EPB41: variants seen among roughly 807,000 people sequenced by gnomAD.
EPB41 encodes protein 4.1.
EPB41 carries 65 observed loss-of-function variants against 108.0 expected under a neutral mutation model. That is an observed-to-expected ratio of 0.60 (90% CI 0.49 to 0.74). The LOEUF (loss-of-function observed/expected upper bound fraction) is 0.74. EPB41 is among the 30% of genes least tolerant of loss of function. The pLI, the probability that EPB41 is intolerant of heterozygous loss-of-function variation, is 0.00. For synonymous variants in EPB41, 336 were observed against 358.9 expected (o/e 0.94, Z 0.72); for missense variants, 875 against 1,037.0 (o/e 0.84, Z 2.15).
chr1:29,083,344 T>C lies in EPB41; in HGVS notation c.2185-14463T>C, dbSNP rs114134875. On this transcript the variant is annotated intron_variant, in intron 16 of 20. Transcript: ENST00000343067. Reference sequence around the variant, plus strand: ...GTTAGTTTATCCCCATCTTGAGTGCTTGTGATTCTAATGTCCTTTTTCAAA... The same window carrying C: ...GTTAGTTTATCCCCATCTTGAGTGCCTGTGATTCTAATGTCCTTTTTCAAA... 3.6e-3 allele frequency among the ~76,000 whole-genome samples: 542 copies of C among 152,334 alleles called. 1 individual carries two copies. The highest frequency in any genetic ancestry group is 6.2e-3 in the Non-Finnish European group (421 of 68,024).
At chr1:29,048,544 T>TA (rs1406313645) in intron 11 of EPB41, among the ~76,000 whole-genome samples, 5 of 152,238 alleles carry the variant, frequency 3.3e-5, no homozygotes, top group Middle Eastern at 3.4e-3. Flanking sequence ...TGAGCTTTTT[T>TA]AAAAAAAATT....
intron 20 of EPB41, among the ~76,000 whole-genome samples, chr1:29,116,280 G>T (rs1558353892): frequency 1.3e-5 from 2 of 151,596 alleles, no homozygotes; most frequent in African/African-American, 4.8e-5. Flanking sequence ...TCCCAAGAAG[G>T]TGGGACTACA....
intron 2 of EPB41, 97 bp downstream of exon 2, chr1:28,988,002 C>A: frequency 7.7e-7 from 1 of 1,294,922 alleles, no homozygotes; most frequent in Non-Finnish European, 1.1e-6. Flanking sequence ...GTGGCTCATG[C>A]CTGTAATTCC....
chr1:28,917,317 G>C (rs368181477), intron 1 of EPB41, among the ~76,000 whole-genome samples: 24 of 151,910 alleles, frequency 1.6e-4, no homozygotes, highest in Admixed American at 1.1e-3. Flanking sequence ...GTCTTACTCT[G>C]TCACACAGGC....
intron 4 of EPB41, 61 bp downstream of exon 4, chr1:28,997,380 T>C (rs2096204337): frequency 9.8e-7 from 1 of 1,023,458 alleles, no homozygotes; most frequent in Admixed American, 1.7e-5. Context: ...TCTTTTGTTG[T>C]TAAGAATGTA....
intron 16 of EPB41, among the ~76,000 whole-genome samples, chr1:29,086,775 G>C (rs921218858): frequency 1.3e-5 from 2 of 151,962 alleles, no homozygotes; most frequent in Non-Finnish European, 2.9e-5. Context: ...GGTAAAATTG[G>C]TCTTCACTAA....
At chr1:29,062,201 G>C (rs1558197830) in intron 15 of EPB41, among the ~76,000 whole-genome samples, 1 of 152,200 alleles carries the variant, frequency 6.6e-6, no homozygotes, top group Non-Finnish European at 1.5e-5. Context: ...AGACTAGGAA[G>C]AATAGTGAAG....
At chr1:29,107,649 G>A (rs1023455984) in intron 17 of EPB41, among the ~76,000 whole-genome samples, 3 of 151,812 alleles carry the variant, frequency 2.0e-5, no homozygotes, top group Admixed American at 6.6e-5. Context: ...TCAGGAGTTC[G>A]AGACCAGCCT....
In EPB41 at chr1:28,902,663, G is replaced by A. The variant is rs371376800; in HGVS notation, c.-8+15453G>A. Among the ~76,000 whole-genome samples the A allele has an allele frequency of 3.9e-5, 6 of 152,256 alleles. 1 individual carries two copies. The South Asian group carries it at 1.2e-3, about 32-fold the overall frequency. On this transcript the variant is annotated intron_variant, in intron 1 of 16. Transcript: ENST00000347529. ...GTCTCTATGCCTGGCCTGGTACAGG[G>A]GGGTTCGTCACACCTTCAGGGGAGC...
At chr1:29,078,466 A>G (rs574173651) in intron 16 of EPB41, among the ~76,000 whole-genome samples, 7 of 152,278 alleles carry the variant, frequency 4.6e-5, no homozygotes, top group African/African-American at 1.4e-4. Context: ...ACTGTAATCA[A>G]AAATACATAC....
chr1:28,915,100 T>C (rs909814694), intron 1 of EPB41, among the ~76,000 whole-genome samples: 2 of 151,986 alleles, frequency 1.3e-5, no homozygotes, highest in African/African-American at 4.8e-5. Flanking sequence ...TGCAGGAGCC[T>C]CGGGAGGAAA....
chr1:29,004,585 A>G (rs2096365306), intron 4 of EPB41, among the ~76,000 whole-genome samples: 1 of 152,206 alleles, frequency 6.6e-6, no homozygotes, highest in African/African-American at 2.4e-5. Context: ...GGCAAATTAG[A>G]AAGACGAAGG....
chr1:29,030,682 G>A (rs1217245049), intron 8 of EPB41, among the ~76,000 whole-genome samples, 195 bp downstream of exon 8: 1 of 151,890 alleles, frequency 6.6e-6, no homozygotes, highest in Admixed American at 6.6e-5. Flanking sequence ...AGGCTGAGGC[G>A]GGAGGATCAC....
intron 7 of EPB41, among the ~76,000 whole-genome samples, chr1:29,019,460 A>C (rs751729571): frequency 1.3e-5 from 2 of 152,188 alleles, no homozygotes; most frequent in Non-Finnish European, 2.9e-5. Context: ...TGCCAGAATA[A>C]TTTGTGTTTC....
At chr1:28,971,843 A>G (rs1557866573) in intron 1 of EPB41, among the ~76,000 whole-genome samples, 1 of 152,200 alleles carries the variant, frequency 6.6e-6, no homozygotes, top group Non-Finnish European at 1.5e-5. Context: ...TGAAACAAGG[A>G]AGCATATAAT....
chr1:29,107,541 G>A (rs2151638954), intron 17 of EPB41, among the ~76,000 whole-genome samples: 1 of 152,162 alleles, frequency 6.6e-6, no homozygotes, highest in African/African-American at 2.4e-5. Flanking sequence ...TAGATGACTG[G>A]TCTTGGCTGA....
chr1:29,053,952 C>T (rs1465824601), intron 12 of EPB41: 2 of 152,372 alleles, frequency 1.3e-5, no homozygotes, highest in African/African-American at 4.8e-5. Flanking sequence ...GAAGGAATCT[C>T]CACATTGCTT....
chr1:28,917,254 GTGTGTGTGTGTGTA>G (rs1336677096), intron 1 of EPB41, among the ~76,000 whole-genome samples: 2 of 151,672 alleles, frequency 1.3e-5, no homozygotes, highest in African/African-American at 2.4e-5. Flanking sequence ...CTCTCTGTGT[GTGTGTGTGTGTGTA>G]TGTGTGTGTG....
At chr1:28,920,472 G>A (rs374761573) in intron 1 of EPB41, among the ~76,000 whole-genome samples, 5 of 151,998 alleles carry the variant, frequency 3.3e-5, no homozygotes, top group African/African-American at 1.2e-4. Flanking sequence ...CATAGACTGA[G>A]GTTTTGGTAC....
Sources: allele counts gnomAD v4.1 joint callset (sites outside exome capture counted in the v4.1 genomes callset), GRCh38; gene constraint gnomAD v4.1.1; transcripts MANE v1.5; gene names NCBI Gene and HGNC (gene_info 2026-07-23, HGNC 2026-07-21).